The following UPF2 variants were observed in gnomAD, a reference collection of about 807,000 sequenced individuals.
The protein encoded by UPF2 is UPF2 regulator of nonsense mediated mRNA decay.
A neutral mutation model predicts 141.4 loss-of-function variants in UPF2; 17 were observed. That is an observed-to-expected ratio of 0.12 (90% CI 0.08 to 0.18). UPF2 has a LOEUF of 0.18. Ranked by LOEUF, UPF2 falls within the 10% of genes least tolerant of loss-of-function variation. The pLI is 1.00. For synonymous variants in UPF2, 540 were observed against 498.0 expected (o/e 1.08, Z -1.12); for missense variants, 1,152 against 1,515.9 (o/e 0.76, Z 3.99).
At position 12,016,309 on chromosome 10, in the gene UPF2, C is replaced by G. The variant is rs192418527; in HGVS notation, c.1146-2125G>C. ...AAACTCCTGGCCTCAAGCAATCCTC[C>G]CACCTCAAACTCCCAAAATGTTGGG... On this transcript the variant is annotated intron_variant, in intron 3 of 21. Transcript: ENST00000357604. This position sits in a 1 kb window ranked among gnomAD's most constrained non-coding sequence, Gnocchi z 4.1. Among the ~76,000 whole-genome samples, 241 of 152,198 alleles carry G rather than the reference C, an allele frequency of 1.6e-3. 1 individual carries two copies. The highest frequency in any genetic ancestry group is 5.4e-3 in the African/African-American group (223 of 41,550).
intron 21 of UPF2, among the ~76,000 whole-genome samples, chr10:11,922,587 T>C (rs1344014307): frequency 6.6e-6 from 1 of 152,206 alleles, no homozygotes; most frequent in Non-Finnish European, 1.5e-5. Context: ...GGTATAGTTA[T>C]ATCACTAGTT....
chr10:12,000,038 T>TAAA, intron 6 of UPF2, 29 bp from the exon 7 acceptor site: 1 of 1,346,794 alleles, frequency 7.4e-7, no homozygotes, highest in Non-Finnish European at 1.0e-6. Flanking sequence ...TTAAATAGGT[T>TAAA]AAAAAAAAAA....
chr10:12,035,954 A>G (rs1487894282), intron 1 of UPF2: 1 of 152,320 alleles, frequency 6.6e-6, no homozygotes, highest in African/African-American at 2.4e-5. Context: ...ACAAAACAGA[A>G]CAGCGGACTC....
At chr10:12,011,936 A>G in intron 4 of UPF2, among the ~76,000 whole-genome samples, 1 of 151,886 alleles carries the variant, frequency 6.6e-6, no homozygotes, top group East Asian at 1.9e-4. Flanking sequence ...CAAGAGCGAA[A>G]CTCTGTCTCA....
Position 11,931,709 on chromosome 10 carries a change from T to G in UPF2, c.3620A>C (p.Glu1207Ala). Residue 1207 changes from glutamate to alanine, a missense_variant, in exon 20 of 22, where the codon GAA becomes GCA. Glu to Ala is a moderately radical substitution (Grantham distance 107). Around this residue, in one of 4 missense-constraint regions of UPF2, gnomAD observed 66 missense variants for 123.5 expected, o/e 0.53. Transcript: ENST00000357604. The surrounding 1 kb of genome is among the most constrained non-coding windows in gnomAD (Gnocchi z 5.9). ...GAGCTTTTTCATTCTCATCCTCTCT[T>G]CTTGTTCTGCCTGTTGCTGGTTCCA... ...NHWNQQQAEQ[E>A]ERMRMKKLTL... 6.2e-7 allele frequency: 1 copy of G among 1,613,832 alleles called. No individual in the cohort carries two copies. The highest frequency in any genetic ancestry group is 8.5e-7 in the Non-Finnish European group (1 of 1,179,972).
chr10:12,016,870 A>T lies in UPF2; in HGVS notation c.1146-2686T>A, dbSNP rs55662500. Among the ~76,000 whole-genome samples the T allele has an allele frequency of 0.018, 2,676 of 151,524 alleles. 40 individuals carry two copies. Among genetic ancestry groups the T allele is most frequent in the Non-Finnish European group, 0.026 (1,768 of 67,870 alleles). ...AACTCGTCTCTACAAAAACATAAAA[A>T]TTAGCCGGGCACGATGGTGGGTGCC... On this transcript the variant is annotated intron_variant, in intron 3 of 21. Transcript: ENST00000357604. This position sits in a 1 kb window ranked among gnomAD's most constrained non-coding sequence, Gnocchi z 4.1.
rs574730419 is a variant in UPF2, at chr10:12,042,112, T to C, written c.-19+643A>G. On this transcript the variant is annotated intron_variant, in intron 1 of 21. Coordinates refer to ENST00000357604, the MANE Select transcript of UPF2 (RefSeq NM_015542.4). The surrounding 1 kb of genome is among the most constrained non-coding windows in gnomAD (Gnocchi z 5.5). The stretch of plus-strand genomic sequence containing the variant: ...TCAACCAAACAGCCCATGCCCACCA[T>C]CCCCAGATACACCCCAAGCCCCTTC... Among the ~76,000 whole-genome samples the C allele has an allele frequency of 6.6e-6, 1 of 151,296 alleles. No homozygotes were observed. Among genetic ancestry groups the C allele is most frequent in the East Asian group, 2.0e-4 (1 of 5,122 alleles).
intron 1 of UPF2, among the ~76,000 whole-genome samples, chr10:12,037,372 G>A (rs1834649184): frequency 1.3e-5 from 2 of 149,182 alleles, no homozygotes; most frequent in Admixed American, 6.7e-5. Flanking sequence ...ATGAGCCACT[G>A]TGTTTTTGAG....
chr10:12,008,646 A>G (rs1278083105), intron 4 of UPF2, among the ~76,000 whole-genome samples: 4 of 151,826 alleles, frequency 2.6e-5, no homozygotes, highest in South Asian at 2.1e-4. Flanking sequence ...AAAAAAAAAA[A>G]AAAAAGAAAC....
chr10:12,021,770 G>A lies in UPF2; in HGVS notation c.1145+6975C>T, dbSNP rs566300277. ...AAATCTTTAAAAGAATGATCATGAAGAAGACCCCAGAAAAACTGCTGGGTT... is the reference window on the plus strand; with the variant it reads ...AAATCTTTAAAAGAATGATCATGAAAAAGACCCCAGAAAAACTGCTGGGTT... On this transcript the variant is annotated intron_variant, in intron 3 of 21. Coordinates refer to ENST00000357604, the MANE Select transcript of UPF2 (RefSeq NM_015542.4). Among the ~76,000 whole-genome samples, 73 of 152,224 alleles carry A rather than the reference G, an allele frequency of 4.8e-4. 1 individual carries two copies. The highest frequency in any genetic ancestry group is 1.6e-3 in the African/African-American group (68 of 41,556).
chr10:11,990,346 C>T (rs1251595947), intron 8 of UPF2, among the ~76,000 whole-genome samples: 1 of 152,206 alleles, frequency 6.6e-6, no homozygotes, highest in African/African-American at 2.4e-5. Context: ...TAAGCAAAAG[C>T]TCCATGAGGA....
intron 9 of UPF2, among the ~76,000 whole-genome samples, chr10:11,971,536 G>A (rs1833418117): frequency 6.6e-6 from 1 of 152,138 alleles, no homozygotes; most frequent in Admixed American, 6.6e-5. Flanking sequence ...ACAGGCGTGA[G>A]CCACCGCGCC....
chr10:11,921,230 A>G lies in UPF2; in HGVS notation c.*68T>C. The G allele has an allele frequency of 1.2e-6, 2 of 1,606,934 alleles. No individual in the cohort carries two copies. The highest frequency in any genetic ancestry group is 1.7e-6 in the Non-Finnish European group (2 of 1,173,488). ...GAGATGTGTCCACTGCTCTCATTCAATTGCTGGAGGACTCCACTAACCACA... is the reference window on the plus strand; with the variant it reads ...GAGATGTGTCCACTGCTCTCATTCAGTTGCTGGAGGACTCCACTAACCACA... On this transcript the variant is annotated 3_prime_UTR_variant, in exon 22 of 22. Coordinates refer to ENST00000357604, the MANE Select transcript of UPF2 (RefSeq NM_015542.4). This position sits in a 1 kb window ranked among gnomAD's most constrained non-coding sequence, Gnocchi z 5.9.
At chr10:12,017,121 G>C (rs1479209634) in intron 3 of UPF2, among the ~76,000 whole-genome samples, 3 of 150,518 alleles carry the variant, frequency 2.0e-5, no homozygotes, top group African/African-American at 7.3e-5. Context: ...AAAAATTAAA[G>C]AACAAAAACC....
Position 12,004,746 on chromosome 10 carries a change from C to T in UPF2, c.1307-19G>A, listed in dbSNP as rs761631248. The T allele has an allele frequency of 6.2e-7, 1 of 1,603,580 alleles. No homozygotes were observed. Among genetic ancestry groups the T allele is most frequent in the Admixed American group, 1.7e-5 (1 of 58,368 alleles). ...CCATGTTCTACAATAAAATAAATCA[C>T]AAGTAATTAACATAACTTGAGGTTA... On this transcript the variant is annotated intron_variant, in intron 4 of 21. Coordinates refer to ENST00000357604, the MANE Select transcript of UPF2 (RefSeq NM_015542.4).
chr10:12,035,399 C>A lies in UPF2; in HGVS notation c.25G>T (p.Ala9Ser). ...AAAGAGTCTTTTTCTTCCATACTTG[C>A]TGGCTTTTTACGCTCAGCTGGCATT... MPAERKKPASMEEKDSLPN... is the reference protein window; with the variant it reads MPAERKKPSSMEEKDSLPN... Residue 9 changes from alanine (A) to serine (S), a missense_variant, in exon 2 of 22, where the codon GCA becomes TCA. By Grantham distance (99) the Ala-to-Ser change is moderately conservative. Transcript: ENST00000357604. 1 of 1,588,394 alleles carries A rather than the reference C, an allele frequency of 6.3e-7. No homozygotes were observed. The highest frequency in any genetic ancestry group is 1.2e-5 in the South Asian group (1 of 86,026).
At chr10:11,938,476 T>C (rs906141542) in intron 18 of UPF2, among the ~76,000 whole-genome samples, 3 of 152,182 alleles carry the variant, frequency 2.0e-5, no homozygotes, top group African/African-American at 7.2e-5. Flanking sequence ...GCTGGACTGA[T>C]AGACATTTAC....
chr10:12,028,952 C>T lies in UPF2; in HGVS notation c.938G>A (p.Arg313Gln). Reference sequence around the variant, plus strand: ...TCCAGCAATATCATCTCCACAATGTCGACAGAAACTAATCACTACAGAGAC... The same window carrying T: ...TCCAGCAATATCATCTCCACAATGTTGACAGAAACTAATCACTACAGAGAC... Reference protein sequence around the residue: ...THVSVVISFCRHCGDDIAGLV... With the variant: ...THVSVVISFCQHCGDDIAGLV... Residue 313 changes from arginine (R) to glutamine (Q), a missense_variant, in exon 3 of 22, where the codon CGA (arginine) becomes CAA (glutamine). Transcript: ENST00000357604. The T allele has an allele frequency of 6.2e-7, 1 of 1,614,136 alleles. No homozygotes were observed. The highest frequency in any genetic ancestry group is 8.5e-7 in the Non-Finnish European group (1 of 1,180,036).
intron 3 of UPF2, among the ~76,000 whole-genome samples, chr10:12,021,155 T>C (rs1175596961): frequency 6.6e-6 from 1 of 152,224 alleles, no homozygotes; most frequent in African/African-American, 2.4e-5. Flanking sequence ...CCATGTTATA[T>C]TGGGCAAGCC....
Sources: allele counts gnomAD v4.1 joint callset (sites outside exome capture counted in the v4.1 genomes callset), GRCh38; gene constraint gnomAD v4.1.1; regional missense constraint gnomAD v4.1.1; non-coding constraint Gnocchi (gnomAD v3.1); transcripts MANE v1.5; gene names NCBI Gene and HGNC (gene_info 2026-07-23, HGNC 2026-07-21).